EVC: variants seen among roughly 807,000 people sequenced by gnomAD.
EVC encodes the protein evC complex member EVC.
Under a neutral mutation model 118.9 loss-of-function variants are expected in EVC, and 116 were observed. That is an observed-to-expected ratio of 0.98 (90% CI 0.84 to 1.14). The LOEUF is 1.14. Among genes scored for constraint, EVC ranks in the 50% most tolerant of loss-of-function variants. The pLI is 0.00. For synonymous variants in EVC, 619 were observed against 534.7 expected, an observed-to-expected ratio of 1.16 and a Z score of -2.18; for missense variants, 1,401 against 1,246.4, an observed-to-expected ratio of 1.12 and a Z score of -1.87.
At chr4:5,816,288 G>T (rs889488535), downstream of EVC, among the ~76,000 whole-genome samples, 2 of 152,154 alleles carry the variant, frequency 1.3e-5, no homozygotes, top group African/African-American at 4.8e-5. Context: ...CCATGAACAT[G>T]TACCTCTTGG....
intron 11 of EVC, among the ~76,000 whole-genome samples, chr4:5,766,416 C>T (rs1208266965): frequency 6.0e-5 from 8 of 132,324 alleles, no homozygotes; most frequent in South Asian, 2.8e-4. Context: ...ATCTTGGTGG[C>T]GTTCTCTGTA....
intron 11 of EVC, among the ~76,000 whole-genome samples, chr4:5,766,844 T>A (rs554033971): frequency 4.3e-4 from 65 of 151,480 alleles, no homozygotes; most frequent in African/African-American, 1.5e-3. Flanking sequence ...TTGCCTTTGG[T>A]TTGAATTTCC....
In EVC at chr4:5,731,459, A is replaced by C. The variant is rs1224211672; in HGVS notation, c.419A>C (p.His140Pro). ...LADGSSNPSL[H>P]ENLKQAVLPH... The stretch of plus-strand genomic sequence containing the variant: ...GATGGCTCCTCCAACCCGTCTCTGC[A>C]TGAAAACTTAAAGCAGGCTGTTTTG... Residue 140 changes from histidine (H) to proline (P), a missense_variant, in exon 4 of 21, where the codon CAT becomes CCT. Coordinates refer to ENST00000264956, the MANE Select transcript of EVC (RefSeq NM_153717.3). The surrounding 1 kb of genome is among the most constrained non-coding windows in gnomAD (Gnocchi z 5.6). 2 of 1,613,160 alleles carry C rather than the reference A, an allele frequency of 1.2e-6. No individual in the cohort carries two copies. Among genetic ancestry groups the C allele is most frequent in the Non-Finnish European group, 1.7e-6 (2 of 1,179,882 alleles).
In EVC at chr4:5,745,306, A is replaced by G. The variant is rs1172079164; in HGVS notation, c.904A>G (p.Lys302Glu). The G allele has an allele frequency of 1.6e-5, 26 of 1,613,902 alleles. No individual in the cohort carries two copies. The highest frequency in any genetic ancestry group is 1.9e-5 in the Non-Finnish European group (23 of 1,179,916). ...EYITLADVEK[K>E]EREYSEQLID... ...CATCACCCTGGCTGATGTGGAAAAGAAGGAGAGAGAATACTCTGAACAGCT... is the reference window on the plus strand; with the variant it reads ...CATCACCCTGGCTGATGTGGAAAAGGAGGAGAGAGAATACTCTGAACAGCT... Residue 302 changes from lysine to glutamate, a missense_variant, in exon 7 of 21, where the codon AAG (lysine) becomes GAG (glutamate). By Grantham distance (56) the Lys-to-Glu change is moderately conservative (BLOSUM62 1). Transcript: ENST00000264956.
intron 2 of EVC, among the ~76,000 whole-genome samples, chr4:5,726,032 C>T (rs1027962481): frequency 2.0e-5 from 3 of 152,184 alleles, no homozygotes; most frequent in Non-Finnish European, 4.4e-5. Flanking sequence ...CGGTGCAGCT[C>T]TTCCTGGAGA....
Position 5,783,684 on chromosome 4 carries a change from G to A in EVC, c.1696G>A (p.Ala566Thr), listed in dbSNP as rs144943762. The change falls in exon 12 of 21, where the codon GCC (alanine) becomes ACC (threonine). Residue 566 changes from alanine to threonine, a missense_variant. Physicochemically the swap from Ala to Thr is moderately conservative, Grantham distance 58. Transcript: ENST00000264956. The stretch of plus-strand genomic sequence containing the variant: ...GAGGCAGGAAGTCCAGGAGAACGCT[G>A]CCTGGCAGCTGGGGAAGTCAAATCG... ...YLRQEVQENA[A>T]WQLGKSNRFR... 1.8e-4 allele frequency: 285 copies of A among 1,614,034 alleles called. 3 individuals are homozygous for A. In the South Asian group the frequency reaches 2.0e-3, roughly 11 times the overall value.
At chr4:5,757,247 G>T (rs1286260560) in intron 11 of EVC, among the ~76,000 whole-genome samples, 2 of 152,174 alleles carry the variant, frequency 1.3e-5, no homozygotes. Context: ...CAGAGGAGAG[G>T]CAAGGGGCTC....
rs1056597154 is a variant in EVC, at chr4:5,749,331, C to T, written c.1098+1025C>T. On this transcript the variant is annotated intron_variant, in intron 8 of 20. Transcript: ENST00000264956. The surrounding 1 kb of genome is among the most constrained non-coding windows in gnomAD (Gnocchi z 4.4). ...TAAAATACATTAACACTAACGATAG[C>T]TGATGAGCGGAAAAAAAAAAAAAAA... 1.5e-5 allele frequency among the ~76,000 whole-genome samples: 2 copies of T among 134,886 alleles called. No individual in the cohort carries two copies. The highest frequency in any genetic ancestry group is 6.1e-5 in the African/African-American group (2 of 32,902). The allele number at this position is 134,886 out of a possible 152,430, so 88.5% of individuals were successfully genotyped here.
chr4:5,752,555 C>A (rs1730546550), intron 8 of EVC: 1 of 535,484 alleles, frequency 1.9e-6, no homozygotes, highest in Non-Finnish European at 3.4e-6. Flanking sequence ...GGATTCCCTC[C>A]TAGGAGGGTG....
At chr4:5,819,700 C>T in the EVC span, among the ~76,000 whole-genome samples, 1 of 152,222 alleles carries the variant, frequency 6.6e-6, no homozygotes, top group South Asian at 2.1e-4. Flanking sequence ...ATCCTGCCAA[C>T]TTTACTTTTC....
intron 2 of EVC, among the ~76,000 whole-genome samples, chr4:5,727,569 T>G (rs934170319): frequency 9.9e-5 from 15 of 152,204 alleles, no homozygotes; most frequent in African/African-American, 2.9e-4. Flanking sequence ...AGAAGCTCTT[T>G]AGTTTAATGA....
chr4:5,747,997 A>C (rs1729627200), intron 7 of EVC, 151 bp from the exon 8 acceptor site: 1 of 886,574 alleles, frequency 1.1e-6, no homozygotes, highest in African/African-American at 1.6e-5. Context: ...GTAGAACGTG[A>C]TTGTTGCCAA....
intron 11 of EVC, among the ~76,000 whole-genome samples, chr4:5,775,213 C>T (rs1475626254): frequency 6.6e-6 from 1 of 151,976 alleles, no homozygotes; most frequent in Non-Finnish European, 1.5e-5. Context: ...AAAATAATGT[C>T]CATCATCCCC....
At chr4:5,735,608 G>A (rs1425570903) in intron 5 of EVC, among the ~76,000 whole-genome samples, 3 of 152,164 alleles carry the variant, frequency 2.0e-5, no homozygotes, top group Admixed American at 6.5e-5. Context: ...GGTAGGCTCA[G>A]TGCTTTAAAT....
intron 2 of EVC, among the ~76,000 whole-genome samples, chr4:5,720,367 A>AG (rs1724742850): frequency 6.6e-6 from 1 of 152,112 alleles, no homozygotes; most frequent in South Asian, 2.1e-4. Flanking sequence ...CGAGGCTCAG[A>AG]GGTAGGCTGC....
intron 11 of EVC, among the ~76,000 whole-genome samples, chr4:5,780,893 C>G (rs555140986): frequency 7.2e-5 from 11 of 152,308 alleles, no homozygotes; most frequent in African/African-American, 2.2e-4. Context: ...CAGAGGAAAC[C>G]AGGCACAAGT....
chr4:5,813,660 A>T lies in EVC; in HGVS notation c.*2623A>T, dbSNP rs1717249776. The T allele has an allele frequency of 6.6e-6, 1 of 152,136 alleles. No individual in the cohort carries two copies. The highest frequency in any genetic ancestry group is 2.4e-5 in the African/African-American group (1 of 41,422). 9.4% of individuals were successfully genotyped at this position (152,136 alleles called of 1,614,324 possible). ...ACCCTGAGCCCAGAGCTCTGAAAGC[A>T]TCTGTGGAATGATCACGGGACCCTT... On this transcript the variant is annotated 3_prime_UTR_variant, in exon 21 of 21. Transcript: ENST00000264956.
intron 11 of EVC, among the ~76,000 whole-genome samples, chr4:5,773,183 G>A (rs549236113): frequency 8.5e-5 from 13 of 152,276 alleles, no homozygotes; most frequent in African/African-American, 2.6e-4. Flanking sequence ...ATCCCAGAGC[G>A]TTCACTTTTA....
At chr4:5,823,474 T>C in the EVC span, among the ~76,000 whole-genome samples, 1 of 152,250 alleles carries the variant, frequency 6.6e-6, no homozygotes, top group Non-Finnish European at 1.5e-5. Flanking sequence ...TTTGGACTTT[T>C]GTCCCCCAAA....
Sources: gnomAD v4.1 joint callset for allele counts (sites outside exome capture counted in the v4.1 genomes callset) on GRCh38, gnomAD v4.1.1 for gene constraint, Gnocchi (gnomAD v3.1) non-coding constraint, MANE v1.5 for transcripts, NCBI Gene and HGNC (gene_info 2026-07-23, HGNC 2026-07-21) for gene names.